C6: variants seen among roughly 807,000 people sequenced by gnomAD.
C6 encodes complement component C6.
C6 carries 101 observed loss-of-function variants against 112.9 expected under a neutral mutation model. The ratio of observed to expected loss-of-function variants is 0.89; its 90% CI spans 0.76 to 1.06. The LOEUF (loss-of-function observed/expected upper bound fraction) is 1.06, where lower values mean the gene tolerates loss of function less well. Among genes scored for constraint, C6 ranks in the 50% least tolerant of loss-of-function variants. The pLI is 0.00. For synonymous variants in C6, 431 were observed against 384.1 expected (o/e 1.12, Z -1.43); for missense variants, 1,202 against 1,104.6 (o/e 1.09, Z -1.25).
upstream of C6, among the ~76,000 whole-genome samples, chr5:41,216,204 C>T (rs1028153677): frequency 1.3e-5 from 2 of 152,092 alleles, no homozygotes; most frequent in African/African-American, 2.4e-5. Context: ...CCATCTACTC[C>T]TCATTCACTT....
chr5:41,231,411 A>G lies in C6; in HGVS notation c.-20-28161T>C, dbSNP rs576050521. Among the ~76,000 whole-genome samples the G allele has an allele frequency of 2.4e-3, 365 of 152,266 alleles. 8 individuals are homozygous for G. Among genetic ancestry groups the G allele is most frequent in the Non-Finnish European group, 1.2e-3 (81 of 68,002 alleles). On this transcript the variant is annotated intron_variant, in intron 1 of 17. Coordinates refer to the C6 transcript ENST00000263413. ...TCACAGAATTCATCTTAACAGTTAC[A>G]GTTAAAGTTACAGAATTCATCTTAC... is the stretch of plus-strand genomic sequence containing the variant.
chr5:41,224,221 T>C (rs1393921010), intron 1 of C6, among the ~76,000 whole-genome samples: 1 of 152,208 alleles, frequency 6.6e-6, no homozygotes, highest in African/African-American at 2.4e-5. Context: ...GTTTTCTTTT[T>C]TTCTCTTAAA....
chr5:41,206,126 G>T (rs1255554935), intron 1 of C6, among the ~76,000 whole-genome samples: 2 of 151,962 alleles, frequency 1.3e-5, no homozygotes, highest in Admixed American at 1.3e-4. Flanking sequence ...TGGACCTCCA[G>T]CAAACTCCAA....
intron 1 of C6, among the ~76,000 whole-genome samples, chr5:41,228,335 T>C (rs1739658288): frequency 6.6e-6 from 1 of 152,164 alleles, no homozygotes; most frequent in Admixed American, 6.6e-5. Context: ...ACCAAATTTG[T>C]TTATTGGTTC....
chr5:41,225,650 T>C (rs1401825067), intron 1 of C6, among the ~76,000 whole-genome samples: 4 of 152,274 alleles, frequency 2.6e-5, no homozygotes, highest in Non-Finnish European at 5.9e-5. Flanking sequence ...CACACTGACT[T>C]CCACAATGGT....
At chr5:41,248,870 C>T (rs1741175080) in intron 1 of C6, among the ~76,000 whole-genome samples, 1 of 152,054 alleles carries the variant, frequency 6.6e-6, no homozygotes, top group East Asian at 1.9e-4. Context: ...CATGTACTCA[C>T]ATGTTTGTTG....
intron 1 of C6, among the ~76,000 whole-genome samples, chr5:41,204,624 G>T (rs1751281928): frequency 6.7e-6 from 1 of 149,572 alleles, no homozygotes; most frequent in South Asian, 2.1e-4. Context: ...AGTATGTTCA[G>T]AAACTAGGGT....
intron 12 of C6, 37 bp downstream of exon 12, chr5:41,159,045 G>T: frequency 6.2e-7 from 1 of 1,607,866 alleles, no homozygotes; most frequent in Non-Finnish European, 8.5e-7. Flanking sequence ...GAGAGTTAGG[G>T]CAAAATGACC....
At chr5:41,186,486 A>AT (rs1400416089) in intron 5 of C6, 3 of 398,354 alleles carry the variant, frequency 7.5e-6, no homozygotes, top group African/African-American at 6.1e-5. Context: ...TGGATTTATA[A>AT]TTTTTTATGA....
chr5:41,172,067 A>G (rs1187059940), intron 9 of C6, among the ~76,000 whole-genome samples, 158 bp downstream of exon 9: 1 of 152,170 alleles, frequency 6.6e-6, no homozygotes, highest in Non-Finnish European at 1.5e-5. Context: ...TGCTAATGCT[A>G]TTTTATTTGT....
At chr5:41,189,150 G>T (rs1750004830) in intron 5 of C6, among the ~76,000 whole-genome samples, 1 of 152,064 alleles carries the variant, frequency 6.6e-6, no homozygotes, top group South Asian at 2.1e-4. Flanking sequence ...GTGTGGAGAA[G>T]TTGATTTTCA....
At chr5:41,246,260 G>A (rs547555990) in intron 1 of C6, among the ~76,000 whole-genome samples, 1 of 152,186 alleles carries the variant, frequency 6.6e-6, no homozygotes, top group Non-Finnish European at 1.5e-5. Flanking sequence ...TTAGATCTCT[G>A]TTTCTAGGCC....
intron 1 of C6, among the ~76,000 whole-genome samples, chr5:41,239,114 T>TTC (rs958228618): frequency 1.4e-5 from 2 of 146,162 alleles, no homozygotes; most frequent in East Asian, 3.9e-4. Flanking sequence ...TTTCTTTCTT[T>TTC]TTTTTTTTTT....
chr5:41,216,917 A>G (rs1752215376), upstream of C6, among the ~76,000 whole-genome samples: 1 of 152,112 alleles, frequency 6.6e-6, no homozygotes, highest in African/African-American at 2.4e-5. Flanking sequence ...ACAGAGTCCC[A>G]GTCCCTAATA....
chr5:41,188,139 A>G (rs758344602), intron 5 of C6, among the ~76,000 whole-genome samples: 8 of 152,166 alleles, frequency 5.3e-5, no homozygotes, highest in Non-Finnish European at 8.8e-5. Flanking sequence ...TGAAATCTCA[A>G]TGAATAGAAA....
chr5:41,168,181 G>A (rs1325520970), intron 9 of C6, among the ~76,000 whole-genome samples: 1 of 152,094 alleles, frequency 6.6e-6, no homozygotes, highest in African/African-American at 2.4e-5. Context: ...TAAACATGTA[G>A]GATCAGATCC....
chr5:41,258,306 T>C (rs938809608), intron 1 of C6, among the ~76,000 whole-genome samples: 1 of 152,228 alleles, frequency 6.6e-6, no homozygotes, highest in Non-Finnish European at 1.5e-5. Flanking sequence ...CTATATGAAG[T>C]GAAGAAGGAT....
At chr5:41,212,362 T>C (rs748336038) in intron 1 of C6, among the ~76,000 whole-genome samples, 1 of 152,072 alleles carries the variant, frequency 6.6e-6, no homozygotes, top group East Asian at 1.9e-4. Flanking sequence ...GGTTTCACCA[T>C]TTTGGTCAGG....
chr5:41,250,332 G>T (rs541075834), intron 1 of C6, among the ~76,000 whole-genome samples: 3 of 152,184 alleles, frequency 2.0e-5, no homozygotes, highest in South Asian at 4.2e-4. Context: ...AAAATTACCG[G>T]CATGAGTTAG....
Sources: gnomAD v4.1 joint callset for allele counts (sites outside exome capture counted in the v4.1 genomes callset) on GRCh38, gnomAD v4.1.1 for gene constraint, MANE v1.5 for transcripts, NCBI Gene and HGNC (gene_info 2026-07-23, HGNC 2026-07-21) for gene names.